The following CTNND2 variants were observed in gnomAD, a reference collection of about 807,000 sequenced individuals.
The protein encoded by CTNND2 is catenin delta 2, also known as catenin delta-2.
In CTNND2, 22 loss-of-function variants were observed where a neutral mutation model predicts 144.4. The observed-to-expected ratio is 0.15, with a 90% CI of 0.11 to 0.22. The LOEUF (loss-of-function observed/expected upper bound fraction) is 0.22. Ranked by LOEUF, CTNND2 falls within the 10% of genes least tolerant of loss-of-function variation. The probability of loss-of-function intolerance (pLI) is 1.00; values close to 1 mark genes in which losing one functional copy is unlikely to be tolerated. For missense variants in CTNND2, 1,353 were observed against 1,618.8 expected (o/e 0.84, Z 2.82); for synonymous variants, 751 against 695.6 (o/e 1.08, Z -1.25).
chr5:11,482,341 A>G (rs776231115), intron 3 of CTNND2, among the ~76,000 whole-genome samples: 2 of 152,146 alleles, frequency 1.3e-5, no homozygotes, highest in Admixed American at 1.3e-4. Flanking sequence ...CACATACAAA[A>G]TGAATGCAAA....
At chr5:11,620,787 G>A (rs973408329) in intron 2 of CTNND2, among the ~76,000 whole-genome samples, 4 of 152,126 alleles carry the variant, frequency 2.6e-5, no homozygotes, top group Non-Finnish European at 5.9e-5. Context: ...CTGGAGGCTG[G>A]AGTTGTTCTT....
At chr5:11,104,916 A>G (rs1752271647) in intron 14 of CTNND2, among the ~76,000 whole-genome samples, 1 of 152,236 alleles carries the variant, frequency 6.6e-6, no homozygotes, top group South Asian at 2.1e-4. Flanking sequence ...ATTCAGGAAT[A>G]GCCTTGCTGA....
intron 2 of CTNND2, among the ~76,000 whole-genome samples, chr5:11,628,035 C>A (rs1781243146): frequency 6.6e-6 from 1 of 152,000 alleles, no homozygotes; most frequent in African/African-American, 2.4e-5. Context: ...GGCCAGGTAC[C>A]TAACAGGCCA....
intron 11 of CTNND2, among the ~76,000 whole-genome samples, chr5:11,179,333 CAAAAACAAAAAACAA>C (rs1007529204): frequency 1.4e-4 from 22 of 151,734 alleles, no homozygotes; most frequent in African/African-American, 5.1e-4. Flanking sequence ...AAAACAAAAA[CAAAAACAAAAAACAA>C]AAAAACATAA....
intron 2 of CTNND2, among the ~76,000 whole-genome samples, chr5:11,621,189 A>C (rs1323972539): frequency 3.3e-5 from 5 of 152,252 alleles, no homozygotes; most frequent in African/African-American, 1.2e-4. Context: ...AATAAGTATC[A>C]GATTTTAGAC....
chr5:11,041,355 G>T (rs557337439), intron 16 of CTNND2, among the ~76,000 whole-genome samples: 30 of 152,112 alleles, frequency 2.0e-4, no homozygotes, highest in Non-Finnish European at 2.5e-4. Context: ...AAAAATGGCA[G>T]GTATAATTTC....
chr5:11,527,857 T>G (rs1337233966), intron 3 of CTNND2, among the ~76,000 whole-genome samples: 1 of 152,206 alleles, frequency 6.6e-6, no homozygotes, highest in Admixed American at 6.5e-5. Context: ...ATAAATGTCT[T>G]CCTAACAGTT....
At position 11,006,791 on chromosome 5, in the gene CTNND2, A is replaced by G. The variant is rs150362698; in HGVS notation, c.3084+11183T>C. On this transcript the variant is annotated intron_variant, in intron 18 of 21. Transcript: ENST00000304623. ...CAGAAAGTGAGAAGGCAGAAGATGG[A>G]GAAGGATGGGGAGAGGACATTTCTC... 5.3e-5 allele frequency among the ~76,000 whole-genome samples: 8 copies of G among 152,316 alleles called. No homozygotes were observed. In the East Asian group the frequency reaches 1.4e-3, roughly 26 times the overall value.
chr5:11,795,021 C>T (rs567103206), intron 1 of CTNND2, among the ~76,000 whole-genome samples: 1 of 152,132 alleles, frequency 6.6e-6, no homozygotes, highest in East Asian at 1.9e-4. Context: ...CTTTTCACAA[C>T]CTTATGCAAT....
chr5:11,189,311 C>T (rs1285372833), intron 11 of CTNND2, among the ~76,000 whole-genome samples: 2 of 152,214 alleles, frequency 1.3e-5, no homozygotes, highest in East Asian at 3.9e-4. Flanking sequence ...TCCTTGTATC[C>T]CAAGCACCTA....
At chr5:11,700,214 C>T (rs1176416361) in intron 2 of CTNND2, among the ~76,000 whole-genome samples, 1 of 152,026 alleles carries the variant, frequency 6.6e-6, no homozygotes, top group African/African-American at 2.4e-5. Context: ...CATCGTGAAA[C>T]CCCCAGCTCT....
At chr5:11,671,610 G>A (rs1783877370) in intron 2 of CTNND2, among the ~76,000 whole-genome samples, 1 of 151,690 alleles carries the variant, frequency 6.6e-6, no homozygotes, top group South Asian at 2.1e-4. Context: ...TTCTCATGCT[G>A]TTTTCTTCAG....
At chr5:11,199,712 C>A in intron 10 of CTNND2, 51 bp from the exon 11 acceptor site, 1 of 1,359,280 alleles carries the variant, frequency 7.4e-7, no homozygotes, top group South Asian at 1.2e-5. Flanking sequence ...GGTTTCCCTA[C>A]CTACACCAAA....
At chr5:11,465,528 G>A (rs1054997218) in intron 3 of CTNND2, among the ~76,000 whole-genome samples, 1 of 152,172 alleles carries the variant, frequency 6.6e-6, no homozygotes, top group African/African-American at 2.4e-5. Flanking sequence ...AAGTGACACA[G>A]CTTTCCTGTC....
intron 1 of CTNND2, among the ~76,000 whole-genome samples, chr5:11,831,531 G>A (rs942785205): frequency 1.3e-5 from 2 of 152,022 alleles, no homozygotes; most frequent in African/African-American, 4.8e-5. Context: ...AGCCAGGTGT[G>A]CTGGCGGGCG....
At chr5:11,832,044 G>A (rs1268088604) in intron 1 of CTNND2, among the ~76,000 whole-genome samples, 1 of 152,148 alleles carries the variant, frequency 6.6e-6, no homozygotes, top group Non-Finnish European at 1.5e-5. Flanking sequence ...AGCACTTTGG[G>A]AGTCCTAGAC....
chr5:11,721,444 G>C lies in CTNND2; in HGVS notation c.174+10692C>G, dbSNP rs1205384800. 3.9e-5 allele frequency among the ~76,000 whole-genome samples: 6 copies of C among 152,104 alleles called. No homozygotes were observed. The East Asian group carries it at 1.2e-3, about 29-fold the overall frequency. On this transcript the variant is annotated intron_variant, in intron 2 of 21. Coordinates refer to ENST00000304623, the MANE Select transcript of CTNND2 (RefSeq NM_001332.4). Reference sequence around the variant, plus strand: ...AGAAGTAGAGAAAATGGTCTAACATGACTGATTTTTTATAAACATGGAAAA... The same window carrying C: ...AGAAGTAGAGAAAATGGTCTAACATCACTGATTTTTTATAAACATGGAAAA...
intron 1 of CTNND2, among the ~76,000 whole-genome samples, chr5:11,744,959 C>T (rs1488080803): frequency 6.6e-6 from 1 of 152,014 alleles, no homozygotes; most frequent in Non-Finnish European, 1.5e-5. Context: ...GGGTCTCGAA[C>T]TCCTGAGCTC....
intron 2 of CTNND2, among the ~76,000 whole-genome samples, chr5:11,731,650 A>G (rs1402990015): frequency 6.6e-6 from 1 of 152,146 alleles, no homozygotes; most frequent in Non-Finnish European, 1.5e-5. Context: ...TCAGACTTTC[A>G]TTAGTTCGAG....
Sources: gnomAD v4.1 joint callset for allele counts (sites outside exome capture counted in the v4.1 genomes callset) on GRCh38, gnomAD v4.1.1 for gene constraint, MANE v1.5 for transcripts, NCBI Gene and HGNC (gene_info 2026-07-23, HGNC 2026-07-21) for gene names.